The following FGGY variants were observed in gnomAD, a reference collection of about 807,000 sequenced individuals.
FGGY encodes the protein FGGY carbohydrate kinase domain containing, also known as FGGY carbohydrate kinase domain-containing protein.
In FGGY, 72 loss-of-function variants were observed where a neutral mutation model predicts 71.3. The ratio of observed to expected loss-of-function variants is 1.01; its 90% CI spans 0.84 to 1.23. The LOEUF is 1.23. Ranked by LOEUF, FGGY falls within the 50% of genes most tolerant of loss-of-function variation. FGGY has a pLI of 0.00. For missense variants in FGGY, 668 were observed against 682.3 expected, an observed-to-expected ratio of 0.98 and a Z score of 0.23; for synonymous variants, 251 against 250.3, an observed-to-expected ratio of 1.00 and a Z score of -0.02.
intron 5 of FGGY, among the ~76,000 whole-genome samples, chr1:59,426,576 T>C (rs1371694458): frequency 6.6e-6 from 1 of 152,226 alleles, no homozygotes; most frequent in East Asian, 1.9e-4. Context: ...TGGTCTCACC[T>C]CAGGAGTTCC....
At chr1:59,492,108 T>C (rs992502617) in intron 6 of FGGY, among the ~76,000 whole-genome samples, 12 of 152,192 alleles carry the variant, frequency 7.9e-5, no homozygotes, top group African/African-American at 2.9e-4. Flanking sequence ...TATCATTTTG[T>C]TAATAACTAT....
intron 5 of FGGY, among the ~76,000 whole-genome samples, chr1:59,437,104 A>C (rs1338457977): frequency 6.6e-6 from 1 of 152,196 alleles, no homozygotes; most frequent in African/African-American, 2.4e-5. Flanking sequence ...CTGGTCCTCC[A>C]CCTTCCTGAC....
intron 14 of FGGY, among the ~76,000 whole-genome samples, chr1:59,675,820 C>T (rs1235724720): frequency 6.6e-6 from 1 of 152,052 alleles, no homozygotes; most frequent in Non-Finnish European, 1.5e-5. Flanking sequence ...TATTTGTATT[C>T]CTGCAAAATT....
At chr1:59,758,466 G>T (rs2098313451) in intron 15 of FGGY, among the ~76,000 whole-genome samples, 1 of 152,142 alleles carries the variant, frequency 6.6e-6, no homozygotes, top group Admixed American at 6.5e-5. Context: ...TGTTACAGGG[G>T]AATAAAACAC....
intron 12 of FGGY, 196 bp downstream of exon 12, chr1:59,660,489 A>C: frequency 2.4e-6 from 1 of 414,504 alleles, no homozygotes; most frequent in East Asian, 3.7e-5. Context: ...ATAACCTCAC[A>C]TAACAAAAAG....
At chr1:59,472,298 C>T (rs954798415) in intron 6 of FGGY, among the ~76,000 whole-genome samples, 7 of 152,238 alleles carry the variant, frequency 4.6e-5, no homozygotes, top group African/African-American at 7.2e-5. Flanking sequence ...CTCAATTTCT[C>T]GAGGGGCCTT....
rs75837102 is a variant in FGGY at position 59,310,722 on chromosome 1, C to G, written c.-14-10814C>G. Among the ~76,000 whole-genome samples, 271 of 152,304 alleles carry G rather than the reference C, an allele frequency of 1.8e-3. 1 individual carries two copies. Among genetic ancestry groups the G allele is most frequent in the African/African-American group, 5.7e-3 (236 of 41,568 alleles). ...TGGACCCTTTCTCCATCGTCCTTCT[C>G]TCCTCAGTGTGTGTTCCTATTTAAA... On this transcript the variant is annotated intron_variant, in intron 1 of 15. Coordinates refer to ENST00000303721, the MANE Select transcript of FGGY (RefSeq NM_018291.5).
At chr1:59,545,197 A>G (rs946161336) in intron 7 of FGGY, among the ~76,000 whole-genome samples, 1 of 152,238 alleles carries the variant, frequency 6.6e-6, no homozygotes, top group Middle Eastern at 3.2e-3. Context: ...AGCACCCAGC[A>G]TAGTTCCTGG....
At chr1:59,565,053 G>C (rs996348981) in intron 8 of FGGY, among the ~76,000 whole-genome samples, 5 of 152,178 alleles carry the variant, frequency 3.3e-5, no homozygotes, top group African/African-American at 9.6e-5. Flanking sequence ...ACAAGGGAAT[G>C]GGGTGGGATG....
At chr1:59,296,884 G>C (rs1398300609), upstream of FGGY, 1 of 152,392 alleles carries the variant, frequency 6.6e-6, no homozygotes, top group East Asian at 1.9e-4. Flanking sequence ...TAGCTAAAAT[G>C]TAATTTCAGA....
intron 7 of FGGY, among the ~76,000 whole-genome samples, chr1:59,539,056 G>T (rs545141454): frequency 2.0e-5 from 3 of 152,156 alleles, no homozygotes; most frequent in South Asian, 4.1e-4. Flanking sequence ...AAAATATTAA[G>T]TACCTAGGAA....
intron 4 of FGGY, among the ~76,000 whole-genome samples, chr1:59,346,930 G>A (rs1045570055): frequency 4.0e-5 from 6 of 148,776 alleles, no homozygotes; most frequent in Admixed American, 4.0e-4. Flanking sequence ...ACTGTGCCCG[G>A]CCATCCAAAA....
chr1:59,587,855 A>G (rs2096339208), intron 8 of FGGY, among the ~76,000 whole-genome samples: 1 of 152,192 alleles, frequency 6.6e-6, no homozygotes, highest in Non-Finnish European at 1.5e-5. Context: ...GAAAAAACAG[A>G]GCAGAAAAAC....
intron 14 of FGGY, among the ~76,000 whole-genome samples, chr1:59,683,524 C>A (rs947069292): frequency 3.3e-5 from 5 of 152,184 alleles, no homozygotes; most frequent in African/African-American, 1.2e-4. Context: ...CGATGTTACT[C>A]CACGTTACAA....
At chr1:59,364,928 G>A (rs562902677) in intron 4 of FGGY, among the ~76,000 whole-genome samples, 5 of 152,226 alleles carry the variant, frequency 3.3e-5, no homozygotes, top group Non-Finnish European at 7.3e-5. Flanking sequence ...TGTAAGGAAT[G>A]AGAGAAGAGG....
At chr1:59,515,683 G>T (rs1294628885) in intron 7 of FGGY, among the ~76,000 whole-genome samples, 1 of 152,168 alleles carries the variant, frequency 6.6e-6, no homozygotes, top group Non-Finnish European at 1.5e-5. Context: ...GATCTGATGG[G>T]TTTATCAGGC....
At chr1:59,627,002 A>G (rs1258721946) in intron 10 of FGGY, 1 of 152,128 alleles carries the variant, frequency 6.6e-6, no homozygotes, top group African/African-American at 2.4e-5. Context: ...ATACCTTTTT[A>G]TATAACTATA....
intron 6 of FGGY, among the ~76,000 whole-genome samples, chr1:59,504,424 A>G (rs2094324560): frequency 6.6e-6 from 1 of 152,140 alleles, no homozygotes; most frequent in Non-Finnish European, 1.5e-5. Flanking sequence ...GGTTGGGGGC[A>G]TTCTTGGGGA....
intron 4 of FGGY, among the ~76,000 whole-genome samples, chr1:59,355,831 A>C (rs74869115): frequency 2.0e-5 from 3 of 151,650 alleles, no homozygotes; most frequent in Admixed American, 6.6e-5. Flanking sequence ...AAGGGCACTC[A>C]TTTCTTCCCA....
Sources: gnomAD v4.1 joint callset for allele counts (sites outside exome capture counted in the v4.1 genomes callset) on GRCh38, gnomAD v4.1.1 for gene constraint, MANE v1.5 for transcripts, NCBI Gene and HGNC (gene_info 2026-07-23, HGNC 2026-07-21) for gene names.